Variants in HDAC9 observed in about 807,000 individuals in gnomAD.
HDAC9 encodes MEF-2 interacting transcription repressor (MITR) protein.
Under a neutral mutation model 139.4 loss-of-function variants are expected in HDAC9, and 41 were observed. The ratio of observed to expected loss-of-function variants is 0.29; its 90% CI spans 0.23 to 0.38. The LOEUF (loss-of-function observed/expected upper bound fraction) is 0.38. Ranked by LOEUF, HDAC9 falls within the 10% of genes least tolerant of loss-of-function variation. The pLI, the probability that HDAC9 is intolerant of heterozygous loss-of-function variation, is 1.00. For missense variants in HDAC9, 1,147 were observed against 1,297.0 expected, an observed-to-expected ratio of 0.88 and a Z score of 1.78; for synonymous variants, 517 against 476.2, an observed-to-expected ratio of 1.09 and a Z score of -1.12.
At chr7:18,512,280 A>T (rs921062184) in intron 2 of HDAC9, among the ~76,000 whole-genome samples, 9 of 152,192 alleles carry the variant, frequency 5.9e-5, no homozygotes, top group African/African-American at 2.2e-4. Flanking sequence ...ATTAGAAATT[A>T]AAAGGAAAAT....
chr7:18,095,517 C>G (rs1267707138), intron 1 of HDAC9, among the ~76,000 whole-genome samples: 1 of 152,096 alleles, frequency 6.6e-6, no homozygotes, highest in Admixed American at 6.6e-5. Flanking sequence ...AGTCTCCCAC[C>G]ACTTAGATGG....
At position 18,732,908 on chromosome 7, in the gene HDAC9, C is replaced by CATAT. The variant is rs1786397001; in HGVS notation, c.1909+5151_1909+5152insATAT. Among the ~76,000 whole-genome samples the CATAT allele has an allele frequency of 9.5e-5, 6 of 63,074 alleles. 1 individual carries two copies. Among genetic ancestry groups the CATAT allele is most frequent in the Admixed American group, 1.4e-4 (1 of 7,252 alleles). 41.4% of individuals were successfully genotyped at this position (63,074 alleles called of 152,430 possible). ...GCGTATGTGTACACACACACGTGTG[C>CATAT]GTATGTGTATACACACGTGTGTATG... On this transcript the variant is annotated intron_variant, in intron 13 of 25. Transcript: ENST00000686413.
At chr7:18,859,846 A>ATGTGTGTGTGTGTGTGTG (rs1465742573) in intron 21 of HDAC9, among the ~76,000 whole-genome samples, 12 of 121,710 alleles carry the variant, frequency 9.9e-5, no homozygotes, top group Non-Finnish European at 2.0e-4. Context: ...ATATATATAT[A>ATGTGTGTGTGTGTGTGTG]TATATATATA....
At chr7:18,661,067 C>T (rs1186140705) in intron 11 of HDAC9, among the ~76,000 whole-genome samples, 1 of 152,050 alleles carries the variant, frequency 6.6e-6, no homozygotes, top group African/African-American at 2.4e-5. Flanking sequence ...CAGAGTAGGG[C>T]CTTTGGGTAG....
chr7:18,248,434 A>T (rs1794701224), intron 2 of HDAC9, among the ~76,000 whole-genome samples: 1 of 152,184 alleles, frequency 6.6e-6, no homozygotes, highest in Non-Finnish European at 1.5e-5. Flanking sequence ...TTTCTGGAAA[A>T]GTAGCTGTAT....
At chr7:18,967,693 A>T (rs576577328) in intron 24 of HDAC9, among the ~76,000 whole-genome samples, 10 of 152,338 alleles carry the variant, frequency 6.6e-5, no homozygotes, top group African/African-American at 2.2e-4. Context: ...AAATAGCTTA[A>T]GATTTAATTA....
At chr7:18,339,022 G>T (rs1407441948) in intron 1 of HDAC9, among the ~76,000 whole-genome samples, 1 of 151,454 alleles carries the variant, frequency 6.6e-6, no homozygotes, top group Non-Finnish European at 1.5e-5. Context: ...TCCATTTCAT[G>T]TAAGTTTTCA....
intron 24 of HDAC9, chr7:18,954,433 T>A (rs567121083): frequency 4.3e-6 from 2 of 465,460 alleles, no homozygotes; most frequent in Non-Finnish European, 7.4e-6. Context: ...AGATTTAGAA[T>A]CTTGTTTTTC....
At chr7:18,714,851 A>G (rs1024676882) in intron 12 of HDAC9, among the ~76,000 whole-genome samples, 18 of 152,322 alleles carry the variant, frequency 1.2e-4, no homozygotes, top group African/African-American at 4.1e-4. Flanking sequence ...CCACCATTGT[A>G]TCTTCTAATT....
chr7:18,536,748 A>C (rs1415337375), intron 2 of HDAC9, among the ~76,000 whole-genome samples: 2 of 152,188 alleles, frequency 1.3e-5, no homozygotes, highest in African/African-American at 4.8e-5. Flanking sequence ...TACTTTAAGG[A>C]AATAGGAGAT....
intron 2 of HDAC9, chr7:18,578,334 A>C: frequency 2.2e-6 from 1 of 458,248 alleles, no homozygotes; most frequent in Non-Finnish European, 4.4e-6. Context: ...CTGCGGAAAG[A>C]AGCTCTACTG....
intron 6 of HDAC9, among the ~76,000 whole-genome samples, chr7:18,604,233 A>G (rs186047136): frequency 6.6e-6 from 1 of 152,052 alleles, no homozygotes; most frequent in African/African-American, 2.4e-5. Context: ...TTATTTTGCT[A>G]TTCCCATTAG....
rs185960222 is a variant in HDAC9, at chr7:18,895,725, G to A, written c.2803+21129G>A. The stretch of plus-strand genomic sequence containing the variant: ...AGGGCAGCATGTTTCCCTTAGCATC[G>A]AACAGCTCTCTTTGGCTGTCTATTC... On this transcript the variant is annotated intron_variant, in intron 22 of 25. Transcript: ENST00000686413. 1.2e-3 allele frequency among the ~76,000 whole-genome samples: 179 copies of A among 152,136 alleles called. 1 individual carries two copies. Among genetic ancestry groups the A allele is most frequent in the Admixed American group, 9.0e-3 (137 of 15,260 alleles).
At chr7:18,128,526 A>G (rs1784813820) in intron 1 of HDAC9, among the ~76,000 whole-genome samples, 1 of 152,050 alleles carries the variant, frequency 6.6e-6, no homozygotes, top group South Asian at 2.1e-4. Context: ...AACCTTTCTC[A>G]GAACTGCTTC....
chr7:18,629,197 A>G (rs1387609685), intron 6 of HDAC9, among the ~76,000 whole-genome samples, 153 bp from the exon 7 acceptor site: 2 of 152,044 alleles, frequency 1.3e-5, no homozygotes, highest in Non-Finnish European at 2.9e-5. Flanking sequence ...ATTAATGTAG[A>G]GTCAATGCCT....
rs187117598 is a variant in HDAC9, at chr7:18,359,339, C to T, written c.-42+68824C>T. Reference sequence around the variant, plus strand: ...CTCCAGCCCGGGCAACGGAGTGAGACTCTGTCTAAAATAAAATAAAATAAA... The same window carrying T: ...CTCCAGCCCGGGCAACGGAGTGAGATTCTGTCTAAAATAAAATAAAATAAA... On this transcript the variant is annotated intron_variant, in intron 1 of 3. Transcript: ENST00000413509. Among the ~76,000 whole-genome samples, 5 of 152,200 alleles carry T rather than the reference C, an allele frequency of 3.3e-5. No individual in the cohort carries two copies. In the South Asian group the frequency reaches 8.3e-4, roughly 25 times the overall value.
intron 1 of HDAC9, among the ~76,000 whole-genome samples, chr7:18,398,614 C>T (rs1787268147): frequency 6.6e-6 from 1 of 152,070 alleles, no homozygotes; most frequent in Admixed American, 6.6e-5. Flanking sequence ...CTTTGCTCAA[C>T]CCAGTGCTTG....
At chr7:18,811,807 G>A (rs968293350) in intron 17 of HDAC9, among the ~76,000 whole-genome samples, 4 of 150,986 alleles carry the variant, frequency 2.6e-5, no homozygotes, top group East Asian at 3.9e-4. Flanking sequence ...TATGTTTGTG[G>A]GTGTGTGTGT....
chr7:18,605,938 C>T (rs959617975), intron 6 of HDAC9, among the ~76,000 whole-genome samples: 9 of 152,180 alleles, frequency 5.9e-5, no homozygotes, highest in African/African-American at 1.4e-4. Flanking sequence ...CCTCGGCCTC[C>T]GAAAGTGCTG....
Sources: allele counts gnomAD v4.1 joint callset (sites outside exome capture counted in the v4.1 genomes callset), GRCh38; gene constraint gnomAD v4.1.1; transcripts MANE v1.5; gene names NCBI Gene and HGNC (gene_info 2026-07-23, HGNC 2026-07-21).